The following ADAMTSL2 variants were observed in gnomAD, a reference collection of about 807,000 sequenced individuals.
ADAMTSL2 encodes the protein ADAMTS like 2, also known as ADAMTS-like protein 2.
Under a neutral mutation model 117.0 loss-of-function variants are expected in ADAMTSL2, and 55 were observed. The observed-to-expected ratio is 0.47, with a 90% CI of 0.38 to 0.59. The LOEUF is 0.59. Ranked by LOEUF, ADAMTSL2 falls within the 20% of genes least tolerant of loss-of-function variation. The probability of loss-of-function intolerance (pLI) is 0.00; values close to 1 mark genes in which losing one functional copy is unlikely to be tolerated. For missense variants in ADAMTSL2, 1,182 were observed against 1,354.5 expected, an observed-to-expected ratio of 0.87 and a Z score of 2.00; for synonymous variants, 572 against 566.4, an observed-to-expected ratio of 1.01 and a Z score of -0.14.
At chr9:133,552,707 T>C (rs1221700999) in intron 9 of ADAMTSL2, among the ~76,000 whole-genome samples, 1 of 152,188 alleles carries the variant, frequency 6.6e-6, no homozygotes, top group Non-Finnish European at 1.5e-5. Flanking sequence ...CACCACTTGG[T>C]GGAGGGTGCA....
chr9:133,537,903 T>C (rs1830092578), intron 3 of ADAMTSL2, among the ~76,000 whole-genome samples: 1 of 152,210 alleles, frequency 6.6e-6, no homozygotes, highest in Non-Finnish European at 1.5e-5. Context: ...AGCAGAGGAC[T>C]GGCAGGAAAG....
In ADAMTSL2 at chr9:133,557,271, C is replaced by T. The variant is rs1273730084; in HGVS notation, c.1649+1341C>T. 6.6e-6 allele frequency among the ~76,000 whole-genome samples: 1 copy of T among 152,184 alleles called. No homozygotes were observed. The highest frequency in any genetic ancestry group is 2.4e-5 in the African/African-American group (1 of 41,440). ...CTTTTCTCAAACTGTTTTCTGAGGC[C>T]ACCGAGGTGCCTGGGGCTGCGGGGT... On this transcript the variant is annotated intron_variant, in intron 11 of 18. Coordinates refer to ENST00000651351, the MANE Select transcript of ADAMTSL2 (RefSeq NM_014694.4). The surrounding 1 kb of genome is among the most constrained non-coding windows in gnomAD (Gnocchi z 5.2).
At chr9:133,550,054 C>T (rs931527943) in intron 9 of ADAMTSL2, among the ~76,000 whole-genome samples, 1 of 152,260 alleles carries the variant, frequency 6.6e-6, no homozygotes, top group Non-Finnish European at 1.5e-5. Flanking sequence ...CCCAAGCTCC[C>T]CCATCCAAGA....
upstream of ADAMTSL2, among the ~76,000 whole-genome samples, chr9:133,533,804 C>T (rs1829988003): frequency 6.6e-6 from 1 of 152,188 alleles, no homozygotes; most frequent in Non-Finnish European, 1.5e-5. Context: ...ACACAGATGA[C>T]CTGATGGAAT....
At chr9:133,534,590 TA>T, upstream of ADAMTSL2, 1 of 1,179,982 alleles carries the variant, frequency 8.5e-7, no homozygotes, top group Non-Finnish European at 1.1e-6. Context: ...CAGAGCGGGT[TA>T]AAGTGTGCGC....
chr9:133,539,940 A>T, intron 5 of ADAMTSL2, 67 bp downstream of exon 5: 1 of 1,450,004 alleles, frequency 6.9e-7, no homozygotes, highest in Admixed American at 2.0e-5. Flanking sequence ...CCCTTCCGGC[A>T]CCTGGGACCA....
At chr9:133,548,754 G>T (rs2131123597) in intron 9 of ADAMTSL2, among the ~76,000 whole-genome samples, 1 of 152,290 alleles carries the variant, frequency 6.6e-6, no homozygotes, top group South Asian at 2.1e-4. Flanking sequence ...AAATTCCTGG[G>T]GTGGGGCACA....
Position 133,554,587 on chromosome 9 carries a change from C to G in ADAMTSL2, c.1170C>G (p.Gly390=). Residue 390 remains glycine, a synonymous_variant, in exon 10 of 19, where the codon GGC becomes GGG. Transcript: ENST00000651351. This position sits in a 1 kb window ranked among gnomAD's most constrained non-coding sequence, Gnocchi z 5.2. ...GLDNRLFGHP[G]LDMELGPSQG... is the part of the protein sequence containing the mutation. ...ACAACCGGCTGTTCGGCCACCCGGG[C>G]CTGGACATGGAGCTGGGCCCCAGCC... The G allele has an allele frequency of 6.5e-7, 1 of 1,548,370 alleles. No individual in the cohort carries two copies. Among genetic ancestry groups the G allele is most frequent in the Non-Finnish European group, 8.7e-7 (1 of 1,147,270 alleles).
chr9:133,547,311 G>A (rs1830375614), intron 9 of ADAMTSL2, 98 bp downstream of exon 9: 41 of 1,278,350 alleles, frequency 3.2e-5, no homozygotes, highest in Non-Finnish European at 4.5e-5. Flanking sequence ...GACGCCCCCA[G>A]GGCCACTGTG....
At chr9:133,561,092 T>G in intron 11 of ADAMTSL2, 106 bp from the exon 12 acceptor site, 1 of 926,970 alleles carries the variant, frequency 1.1e-6, no homozygotes, top group Non-Finnish European at 1.7e-6. Context: ...GGTGTGTGCT[T>G]CAGGCGAACA....
chr9:133,553,201 T>G lies in ADAMTSL2; in HGVS notation c.940-1156T>G, dbSNP rs950946781. Among the ~76,000 whole-genome samples the G allele has an allele frequency of 3.4e-3, 510 of 152,210 alleles. 2 individuals are homozygous for G. Among genetic ancestry groups the G allele is most frequent in the African/African-American group, 0.012 (481 of 41,548 alleles). On this transcript the variant is annotated intron_variant, in intron 9 of 18. Coordinates refer to ENST00000651351, the MANE Select transcript of ADAMTSL2 (RefSeq NM_014694.4). ...TGAGGCCCTGAAGGCTTGGGACGTT[T>G]GAGATGTGAAGTTTTTCAAGTGTAT...
At chr9:133,570,574 C>A (rs2301607) in intron 17 of ADAMTSL2, 67 bp downstream of exon 17, 75 of 1,528,694 alleles carry the variant, frequency 4.9e-5, no homozygotes, top group Non-Finnish European at 6.5e-5. Flanking sequence ...CCGCCCCTCC[C>A]GCCTCAAGCC....
At chr9:133,552,972 A>G (rs1256513115) in intron 9 of ADAMTSL2, among the ~76,000 whole-genome samples, 1 of 152,122 alleles carries the variant, frequency 6.6e-6, no homozygotes, top group Admixed American at 6.5e-5. Context: ...CTGCCGTTCC[A>G]TTGGTGTATA....
intron 9 of ADAMTSL2, among the ~76,000 whole-genome samples, chr9:133,550,953 C>G (rs1830468555): frequency 6.6e-6 from 1 of 152,080 alleles, no homozygotes; most frequent in African/African-American, 2.4e-5. Context: ...ATGCCTACTC[C>G]CTAGATCCAG....
At chr9:133,548,344 G>A (rs1022579597) in intron 9 of ADAMTSL2, among the ~76,000 whole-genome samples, 1 of 152,224 alleles carries the variant, frequency 6.6e-6, no homozygotes, top group Non-Finnish European at 1.5e-5. Flanking sequence ...TGGTGACCCC[G>A]GAATCAAATG....
At chr9:133,566,690 G>A (rs1219163746) in intron 12 of ADAMTSL2, among the ~76,000 whole-genome samples, 1 of 140,486 alleles carries the variant, frequency 7.1e-6, no homozygotes, top group South Asian at 2.6e-4. Flanking sequence ...CGGACTCCGT[G>A]ACATGGGAAC....
At chr9:133,572,877 C>G (rs1831142914) in intron 17 of ADAMTSL2, among the ~76,000 whole-genome samples, 2 of 152,152 alleles carry the variant, frequency 1.3e-5, no homozygotes. Flanking sequence ...GAGCTGGCAC[C>G]AGGGCTGGCC....
chr9:133,555,790 G>T lies in ADAMTSL2; in HGVS notation c.1509G>T (p.Glu503Asp), dbSNP rs1177736963. The T allele has an allele frequency of 3.1e-6, 5 of 1,613,878 alleles. No individual in the cohort carries two copies. The highest frequency in any genetic ancestry group is 4.2e-6 in the Non-Finnish European group (5 of 1,180,052). The change falls in exon 11 of 19, where the codon GAG (glutamate) becomes GAT (aspartate). Residue 503 changes from glutamate (E) to aspartate (D), a missense_variant. Transcript: ENST00000651351. Reference sequence around the variant, plus strand: ...TCTTCGTGGATTATGAGGAGAACGAGGGGGCTGGCCCTTACCTGCTCAACG... The same window carrying T: ...TCTTCGTGGATTATGAGGAGAACGATGGGGCTGGCCCTTACCTGCTCAACG... ...ESFFVDYEENEGAGPYLLNGS... is the reference protein window; with the variant it reads ...ESFFVDYEENDGAGPYLLNGS...
intron 1 of ADAMTSL2, 104 bp downstream of exon 1, chr9:133,535,021 C>G (rs1017082980): frequency 7.7e-7 from 1 of 1,291,124 alleles, no homozygotes; most frequent in East Asian, 3.1e-5. Context: ...CCTCTGGAGC[C>G]GTTACATAAC....
Sources: gnomAD v4.1 joint callset for allele counts (sites outside exome capture counted in the v4.1 genomes callset) on GRCh38, gnomAD v4.1.1 for gene constraint, Gnocchi (gnomAD v3.1) non-coding constraint, MANE v1.5 for transcripts, NCBI Gene and HGNC (gene_info 2026-07-23, HGNC 2026-07-21) for gene names.